The following TRHDE variants were observed in gnomAD, a reference collection of about 807,000 sequenced individuals.
TRHDE encodes the protein thyrotropin releasing hormone degrading enzyme, also known as thyrotropin-releasing hormone-degrading ectoenzyme.
A neutral mutation model predicts 125.7 loss-of-function variants in TRHDE; 72 were observed. The observed-to-expected ratio is 0.57, with a 90% CI of 0.47 to 0.70. TRHDE has a LOEUF of 0.70. Among genes scored for constraint, TRHDE ranks in the 30% least tolerant of loss-of-function variants. The probability of loss-of-function intolerance (pLI) is 0.00; values close to 1 mark genes in which losing one functional copy is unlikely to be tolerated. For synonymous variants in TRHDE, 509 were observed against 509.1 expected, an observed-to-expected ratio of 1.00 and a Z score of 0.00; for missense variants, 1,110 against 1,327.1, an observed-to-expected ratio of 0.84 and a Z score of 2.54.
intron 2 of TRHDE, among the ~76,000 whole-genome samples, chr12:72,178,126 T>C (rs1877025485): frequency 6.6e-6 from 1 of 152,166 alleles, no homozygotes; most frequent in South Asian, 2.1e-4. Context: ...TCACAGATGA[T>C]TCAGAAGCTT....
At chr12:72,652,855 T>A (rs954233691) in intron 16 of TRHDE, among the ~76,000 whole-genome samples, 161 bp from the exon 17 acceptor site, 1 of 152,018 alleles carries the variant, frequency 6.6e-6, no homozygotes. Context: ...GATCCTCTTT[T>A]ATAAACAGAA....
chr12:72,142,587 C>T (rs534996112), intron 2 of TRHDE, among the ~76,000 whole-genome samples: 7 of 152,248 alleles, frequency 4.6e-5, no homozygotes, highest in South Asian at 2.1e-4. Flanking sequence ...CCTGGGTACC[C>T]GTGGCACTAA....
chr12:72,631,706 CAT>C lies in TRHDE; in HGVS notation c.2675+9957_2675+9958del, dbSNP rs778681666. 3.9e-5 allele frequency among the ~76,000 whole-genome samples: 6 copies of C among 152,006 alleles called. No individual in the cohort carries two copies. The East Asian group carries it at 1.2e-3, about 29-fold the overall frequency. On this transcript the variant is annotated intron_variant, in intron 15 of 18. Transcript: ENST00000261180. ...AGAGAATTGTATTTTGAGCAATACA[CAT>C]AAACACGCACACAAGTAGCAAAATT...
intron 3 of TRHDE, among the ~76,000 whole-genome samples, chr12:72,440,619 T>C (rs1874962223): frequency 6.6e-6 from 1 of 151,966 alleles, no homozygotes; most frequent in South Asian, 2.1e-4. Flanking sequence ...TATATCCATA[T>C]CAGCATACTT....
intron 2 of TRHDE, among the ~76,000 whole-genome samples, chr12:72,147,027 G>A (rs1876245056): frequency 1.3e-5 from 2 of 152,160 alleles, no homozygotes; most frequent in Admixed American, 6.5e-5. Flanking sequence ...GCATCCAGAC[G>A]TCACTCTTCT....
rs777532654 is a variant in TRHDE, at chr12:72,618,887, G to A, written c.2322-4G>A. On this transcript the variant is annotated splice_polypyrimidine_tract_variant and splice_region_variant and intron_variant, in intron 12 of 18. Transcript: ENST00000261180. ...CATGTATCTTTTTTTTTTTTTAACT[G>A]TAGGGCTGGCTATTTGCCTCAGAAT... The A allele has an allele frequency of 3.5e-5, 51 of 1,469,252 alleles. No homozygotes were observed. The highest frequency in any genetic ancestry group is 4.6e-5 in the Non-Finnish European group (51 of 1,108,434). 91.0% of individuals were successfully genotyped at this position (1,469,252 alleles called of 1,614,324 possible).
At chr12:72,238,175 T>G (rs1878372889) in intron 2 of TRHDE, among the ~76,000 whole-genome samples, 1 of 149,020 alleles carries the variant, frequency 6.7e-6, no homozygotes, top group Admixed American at 6.7e-5. Context: ...AGCAGGGATT[T>G]CCTTTAGAAG....
At chr12:72,300,639 T>G (rs1047428369) in intron 2 of TRHDE, among the ~76,000 whole-genome samples, 1 of 151,680 alleles carries the variant, frequency 6.6e-6, no homozygotes, top group African/African-American at 2.4e-5. Context: ...ATATATGTTC[T>G]CACATGATAT....
At chr12:72,662,399 A>G (rs1324680499) in intron 18 of TRHDE, among the ~76,000 whole-genome samples, 1 of 152,210 alleles carries the variant, frequency 6.6e-6, no homozygotes, top group African/African-American at 2.4e-5. Flanking sequence ...TTTAAGAATT[A>G]TAACTTAAAT....
chr12:72,352,228 G>T (rs970108417), intron 2 of TRHDE, among the ~76,000 whole-genome samples: 2 of 150,122 alleles, frequency 1.3e-5, no homozygotes, highest in Non-Finnish European at 3.0e-5. Flanking sequence ...TTTGGAATTT[G>T]TTGGGAGAGA....
Position 72,160,604 on chromosome 12 carries a change from G to T in TRHDE, n.279+54852G>T, listed in dbSNP as rs550253374. ...CTTGGGAGGCTGAGGCAGGAAAATC[G>T]CTTGAACCTGGGAGGCGGAGGTTAC... On this transcript the variant is annotated intron_variant and non_coding_transcript_variant, in intron 2 of 4. Transcript: ENST00000548156. 5.3e-5 allele frequency among the ~76,000 whole-genome samples: 8 copies of T among 152,030 alleles called. 1 individual carries two copies. The East Asian group carries it at 1.5e-3, about 29-fold the overall frequency.
intron 2 of TRHDE, among the ~76,000 whole-genome samples, chr12:72,146,771 T>G (rs931790020): frequency 3.9e-5 from 6 of 152,214 alleles, no homozygotes; most frequent in African/African-American, 1.4e-4. Context: ...CTCTGCCTTA[T>G]TGCAAGGGCA....
intron 2 of TRHDE, chr12:72,163,294 T>C (rs1235970248): frequency 6.6e-6 from 1 of 152,210 alleles, no homozygotes; most frequent in East Asian, 1.9e-4. Context: ...ATGATGTTGA[T>C]TTTGCCTCCC....
Position 72,128,602 on chromosome 12 carries a change from T to C in TRHDE, n.279+22850T>C, listed in dbSNP as rs567818002. On this transcript the variant is annotated intron_variant and non_coding_transcript_variant, in intron 2 of 4. Transcript: ENST00000548156. ...TATTTTTTAAAAGGCTAAGTTGAAC[T>C]TTTAGGGTTTAAAACTAAAATGTGT... 2.0e-5 allele frequency among the ~76,000 whole-genome samples: 3 copies of C among 152,320 alleles called. No individual in the cohort carries two copies. In the South Asian group the frequency reaches 6.2e-4, roughly 32 times the overall value.
rs537364802 is a variant in TRHDE at position 72,127,232 on chromosome 12, C to T, written n.279+21480C>T. 2.6e-5 allele frequency among the ~76,000 whole-genome samples: 4 copies of T among 152,304 alleles called. No homozygotes were observed. The East Asian group carries it at 7.7e-4, about 29-fold the overall frequency. On this transcript the variant is annotated intron_variant and non_coding_transcript_variant, in intron 2 of 4. Coordinates refer to the TRHDE transcript ENST00000548156. ...CTGCAGAGAAAAGAGAATGCTTATA[C>T]ACTGTTGGTGGGAATGTAAATTAGC...
At chr12:72,618,624 T>C (rs1872916046) in intron 12 of TRHDE, among the ~76,000 whole-genome samples, 1 of 152,150 alleles carries the variant, frequency 6.6e-6, no homozygotes, top group South Asian at 2.1e-4. Flanking sequence ...TCGGTTTTGC[T>C]TATGTTCCAT....
intron 6 of TRHDE, among the ~76,000 whole-genome samples, chr12:72,524,807 C>T (rs1205149306): frequency 3.9e-5 from 6 of 152,088 alleles, no homozygotes; most frequent in Non-Finnish European, 5.9e-5. Flanking sequence ...CTAAATAAAG[C>T]TTCTACTATA....
At chr12:72,100,422 A>G (rs1025210166) in intron 1 of TRHDE, among the ~76,000 whole-genome samples, 4 of 152,226 alleles carry the variant, frequency 2.6e-5, no homozygotes, top group African/African-American at 7.2e-5. Flanking sequence ...TACTCCGAAC[A>G]CTTAACGAAA....
chr12:72,475,927 G>A lies in TRHDE; in HGVS notation c.1584+2747G>A, dbSNP rs377694645. On this transcript the variant is annotated intron_variant, in intron 5 of 18. Transcript: ENST00000261180. Reference sequence around the variant, plus strand: ...GGGTTTTTTTTGTTTTTGTTTTTGTGTTTTTTTGAGACAGAGTCTCACTTT... The same window carrying A: ...GGGTTTTTTTTGTTTTTGTTTTTGTATTTTTTTGAGACAGAGTCTCACTTT... Among the ~76,000 whole-genome samples the A allele has an allele frequency of 2.0e-5, 3 of 151,946 alleles. 1 individual carries two copies. Among genetic ancestry groups the A allele is most frequent in the African/African-American group, 7.2e-5 (3 of 41,454 alleles).
Sources: gnomAD v4.1 joint callset for allele counts (sites outside exome capture counted in the v4.1 genomes callset) on GRCh38, gnomAD v4.1.1 for gene constraint, MANE v1.5 for transcripts, NCBI Gene and HGNC (gene_info 2026-07-23, HGNC 2026-07-21) for gene names.